Variants in RGS6 observed in about 807,000 individuals in gnomAD.
RGS6 encodes the protein regulator of G protein signaling 6.
In RGS6, 30 loss-of-function variants were observed where a neutral mutation model predicts 78.5. That is an observed-to-expected ratio of 0.38 (90% CI 0.29 to 0.52). The LOEUF is 0.52. Ranked by LOEUF, RGS6 falls within the 20% of genes least tolerant of loss-of-function variation. The pLI is 0.85. For missense variants in RGS6, 495 were observed against 609.7 expected (o/e 0.81, Z 1.98); for synonymous variants, 206 against 206.0 (o/e 1.00, Z 0.00).
chr14:72,049,019 C>A (rs1377604921), intron 2 of RGS6, among the ~76,000 whole-genome samples: 1 of 152,068 alleles, frequency 6.6e-6, no homozygotes, highest in Non-Finnish European at 1.5e-5. Context: ...AGTTAATTCC[C>A]AGACATTTAA....
rs367851408 is a variant in RGS6, at chr14:72,499,084, A to G, written c.965+3822A>G. Among the ~76,000 whole-genome samples the G allele has an allele frequency of 1.6e-4, 24 of 152,218 alleles. 1 individual carries two copies. The East Asian group carries it at 3.3e-3, about 21-fold the overall frequency. On this transcript the variant is annotated intron_variant, in intron 13 of 17. Transcript: ENST00000553525. The stretch of plus-strand genomic sequence containing the variant: ...GTTCTACTCTGTGGGTCAAGCCCTG[A>G]TGGAGTTTCTGATGTCTTTCTATTT...
intron 2 of RGS6, among the ~76,000 whole-genome samples, chr14:72,253,148 T>C (rs1263867748): frequency 2.6e-5 from 4 of 152,232 alleles, no homozygotes; most frequent in Non-Finnish European, 5.9e-5. Context: ...AGATGTGATA[T>C]GACTATCCAC....
At chr14:72,541,355 T>G (rs1853461103) in intron 17 of RGS6, 1 of 1,360,732 alleles carries the variant, frequency 7.3e-7, no homozygotes, top group African/African-American at 1.5e-5. Context: ...TATCTTGAAT[T>G]TGCTACATGT....
intron 2 of RGS6, among the ~76,000 whole-genome samples, chr14:71,975,752 C>G (rs752339924): frequency 1.3e-5 from 2 of 152,134 alleles, no homozygotes; most frequent in Middle Eastern, 3.2e-3. Context: ...CCACCATGCC[C>G]GACTGTGCTT....
intron 3 of RGS6, among the ~76,000 whole-genome samples, chr14:72,367,068 T>C (rs1162202602): frequency 6.6e-6 from 1 of 152,212 alleles, no homozygotes; most frequent in East Asian, 1.9e-4. Context: ...TGATGTAATG[T>C]CCTCAAAAAT....
chr14:72,207,823 A>T (rs976532620), intron 2 of RGS6, among the ~76,000 whole-genome samples: 2 of 152,204 alleles, frequency 1.3e-5, no homozygotes, highest in Non-Finnish European at 2.9e-5. Flanking sequence ...GACTTCGGGC[A>T]AGGTTATTAA....
chr14:72,382,101 A>C (rs1258625435), intron 3 of RGS6, among the ~76,000 whole-genome samples: 1 of 152,104 alleles, frequency 6.6e-6, no homozygotes, highest in Non-Finnish European at 1.5e-5. Context: ...ATTAAAATTT[A>C]GTCACCTGCA....
At chr14:72,357,930 G>A (rs1212724675) in intron 3 of RGS6, among the ~76,000 whole-genome samples, 2 of 152,106 alleles carry the variant, frequency 1.3e-5, no homozygotes, top group Admixed American at 1.3e-4. Context: ...AGGAAAAAAT[G>A]TTTATTTTTC....
Position 72,460,343 on chromosome 14 carries a change from A to G in RGS6, c.394+660A>G, listed in dbSNP as rs561333543. Among the ~76,000 whole-genome samples, 3 of 152,354 alleles carry G rather than the reference A, an allele frequency of 2.0e-5. No individual in the cohort carries two copies. The East Asian group carries it at 5.8e-4, about 29-fold the overall frequency. On this transcript the variant is annotated intron_variant, in intron 6 of 17. Coordinates refer to ENST00000553525, the MANE Select transcript of RGS6 (RefSeq NM_001204424.2). ...GCTTAAGAGAAAGAACCTGAGGCCC[A>G]GAGGGGCCACACCCTCACACTACCA...
At chr14:72,067,484 A>C (rs2094206255) in intron 2 of RGS6, among the ~76,000 whole-genome samples, 1 of 152,198 alleles carries the variant, frequency 6.6e-6, no homozygotes, top group African/African-American at 2.4e-5. Context: ...TAAAATTTAA[A>C]AAAAGATTTT....
chr14:72,541,463 A>C (rs1385122467), intron 17 of RGS6: 1 of 1,535,372 alleles, frequency 6.5e-7, no homozygotes, highest in Admixed American at 2.0e-5. Flanking sequence ...TCCTCATGAG[A>C]AATCAGAATG....
At chr14:72,588,380 C>T in the RGS6 span, among the ~76,000 whole-genome samples, 25 of 152,208 alleles carry the variant, frequency 1.6e-4, no homozygotes, top group Non-Finnish European at 7.3e-5. Flanking sequence ...AGGACTCCCA[C>T]CTCCACATGC....
intron 8 of RGS6, among the ~76,000 whole-genome samples, chr14:72,471,925 G>A (rs2153319001): frequency 6.6e-6 from 1 of 152,302 alleles, no homozygotes; most frequent in South Asian, 2.1e-4. Flanking sequence ...AAACAGAGGG[G>A]AAATTGTTAC....
chr14:72,230,259 G>A (rs1241140916), intron 2 of RGS6, among the ~76,000 whole-genome samples: 3 of 152,192 alleles, frequency 2.0e-5, no homozygotes, highest in African/African-American at 7.2e-5. Context: ...GTTGTCTCTT[G>A]GGAGTTATGG....
chr14:72,454,952 T>C (rs1332860477), intron 4 of RGS6, among the ~76,000 whole-genome samples: 2 of 152,218 alleles, frequency 1.3e-5, no homozygotes, highest in Non-Finnish European at 2.9e-5. Context: ...GATGTTTAAT[T>C]ATTTGCTAAG....
chr14:72,252,655 A>C (rs1041371574), intron 2 of RGS6, among the ~76,000 whole-genome samples: 12 of 152,180 alleles, frequency 7.9e-5, no homozygotes, highest in Non-Finnish European at 1.6e-4. Flanking sequence ...TAACTGATGA[A>C]TGTGATGGTT....
intron 2 of RGS6, among the ~76,000 whole-genome samples, chr14:72,314,417 C>G (rs536112687): frequency 4.6e-5 from 7 of 152,180 alleles, no homozygotes; most frequent in Non-Finnish European, 1.0e-4. Flanking sequence ...GGGAAAGTTA[C>G]ACTTTCTCAG....
At chr14:72,179,620 C>T (rs1340235455) in intron 2 of RGS6, among the ~76,000 whole-genome samples, 1 of 152,070 alleles carries the variant, frequency 6.6e-6, no homozygotes, top group Non-Finnish European at 1.5e-5. Context: ...CCTGCCAACA[C>T]CATTTTTTTG....
chr14:71,981,490 C>G (rs992320411), intron 2 of RGS6, among the ~76,000 whole-genome samples: 1 of 151,790 alleles, frequency 6.6e-6, no homozygotes, highest in Non-Finnish European at 1.5e-5. Flanking sequence ...ACAGGACCCT[C>G]AGCTGCAGGT....
Sources: allele counts gnomAD v4.1 joint callset (sites outside exome capture counted in the v4.1 genomes callset), GRCh38; gene constraint gnomAD v4.1.1; transcripts MANE v1.5; gene names NCBI Gene and HGNC (gene_info 2026-07-23, HGNC 2026-07-21).